Variants in ALK observed in about 807,000 individuals in gnomAD.
ALK encodes ALK tyrosine kinase receptor.
Under a neutral mutation model 163.1 loss-of-function variants are expected in ALK, and 74 were observed. That is an observed-to-expected ratio of 0.45 (90% confidence interval 0.38 to 0.55). The LOEUF is 0.55. ALK is among the 20% of genes least tolerant of loss of function. The pLI is 0.00. For missense variants in ALK, 2,063 were observed against 2,105.3 expected, an observed-to-expected ratio of 0.98 and a Z score of 0.39; for synonymous variants, 960 against 843.2, an observed-to-expected ratio of 1.14 and a Z score of -2.40.
chr2:29,205,652 T>C (rs1669291698), intron 26 of ALK, among the ~76,000 whole-genome samples: 1 of 152,140 alleles, frequency 6.6e-6, no homozygotes, highest in African/African-American at 2.4e-5. Flanking sequence ...AGTCTCAGCC[T>C]CTGTGCTCAC....
intron 1 of ALK, among the ~76,000 whole-genome samples, chr2:29,754,140 G>A (rs1680449979): frequency 6.6e-6 from 1 of 152,174 alleles, no homozygotes; most frequent in African/African-American, 2.4e-5. Flanking sequence ...TCCTAAGGCA[G>A]TGCTCATTCT....
chr2:29,442,468 C>T (rs1272626903), intron 4 of ALK, among the ~76,000 whole-genome samples: 2 of 152,134 alleles, frequency 1.3e-5, no homozygotes, highest in African/African-American at 4.8e-5. Context: ...AGTGCACTGT[C>T]TGAGAGTATT....
chr2:29,364,355 G>A (rs185605574), intron 5 of ALK, among the ~76,000 whole-genome samples: 18 of 152,226 alleles, frequency 1.2e-4, no homozygotes, highest in Admixed American at 1.0e-3. Context: ...CTGCATCATG[G>A]GTCGGAGGTG....
chr2:29,209,181 T>TC lies in ALK; in HGVS notation c.3836+604dup, dbSNP rs560142092. On this transcript the variant is annotated intron_variant, in intron 25 of 28. Transcript: ENST00000389048. ...TTTGAAGGTCTTTCCACATCAAGTA[T>TC]CCAAGTTATCCCATGTCTCAGAGCA... is the stretch of plus-strand genomic sequence containing the variant. Among the ~76,000 whole-genome samples the TC allele has an allele frequency of 1.2e-4, 18 of 152,216 alleles. No individual in the cohort carries two copies. In the South Asian group the frequency reaches 3.7e-3, roughly 32 times the overall value.
At chr2:29,474,591 CTATT>C (rs1671456845) in intron 4 of ALK, among the ~76,000 whole-genome samples, 1 of 152,162 alleles carries the variant, frequency 6.6e-6, no homozygotes, top group Non-Finnish European at 1.5e-5. Context: ...GTTGTGTGCT[CTATT>C]TAAAATCACA....
chr2:29,295,038 T>C (rs1238558563), intron 9 of ALK, among the ~76,000 whole-genome samples: 2 of 152,212 alleles, frequency 1.3e-5, no homozygotes, highest in African/African-American at 4.8e-5. Context: ...ATGTCAGTGG[T>C]ATGCAGGCTC....
Position 29,227,798 on chromosome 2 carries a change from G to C in ALK, c.2816-126C>G, listed in dbSNP as rs575704514. On this transcript the variant is annotated intron_variant, in intron 16 of 28. Coordinates refer to ENST00000389048, the MANE Select transcript of ALK (RefSeq NM_004304.5). The surrounding 1 kb of genome is among the most constrained non-coding windows in gnomAD (Gnocchi z 4.4). ...GGGTCACTGGGGACCTCAGGGGCAG[G>C]GATGCGGGGAGGGAAGGGAGGCTCA... 5.3e-5 allele frequency: 39 copies of C among 733,766 alleles called. No individual in the cohort carries two copies. Among genetic ancestry groups the C allele is most frequent in the Middle Eastern group, 7.5e-4 (2 of 2,652 alleles). The allele number at this position is 733,766 out of a possible 1,614,324, so 45.5% of individuals were successfully genotyped here.
At chr2:29,399,806 A>G (rs368856820) in intron 4 of ALK, among the ~76,000 whole-genome samples, 417 of 152,260 alleles carry the variant, frequency 2.7e-3, no homozygotes, top group Non-Finnish European at 4.7e-3. Flanking sequence ...TCTTCCTTGC[A>G]TTTTCACATG....
intron 9 of ALK, among the ~76,000 whole-genome samples, chr2:29,287,731 G>C (rs1302247951): frequency 6.6e-6 from 1 of 151,654 alleles, no homozygotes; most frequent in Non-Finnish European, 1.5e-5. Context: ...CCCACCGACT[G>C]GCTGAATGGA....
intron 1 of ALK, among the ~76,000 whole-genome samples, chr2:29,900,594 C>T (rs1227931568): frequency 6.6e-6 from 1 of 152,228 alleles, no homozygotes; most frequent in Admixed American, 6.5e-5. Context: ...AGAGTGGGTA[C>T]TTCACTCAAT....
At chr2:29,199,543 C>T (rs377614391) in intron 26 of ALK, among the ~76,000 whole-genome samples, 4 of 152,160 alleles carry the variant, frequency 2.6e-5, no homozygotes, top group African/African-American at 4.8e-5. Flanking sequence ...TAATTTCCTC[C>T]TTACCCATTG....
intron 1 of ALK, among the ~76,000 whole-genome samples, chr2:29,842,897 G>A (rs970400522): frequency 5.9e-5 from 9 of 152,140 alleles, no homozygotes; most frequent in African/African-American, 9.7e-5. Context: ...CATCTTCCTC[G>A]GATGTTTCTG....
intron 3 of ALK, among the ~76,000 whole-genome samples, chr2:29,600,786 A>G (rs4666255): frequency 0.76 from 115,714 of 152,088 alleles, 44,120 homozygotes; most frequent in Middle Eastern, 0.79. Flanking sequence ...CATAAACAGT[A>G]GAAGAGGTAT....
At chr2:29,332,538 A>C (rs955833722) in intron 5 of ALK, among the ~76,000 whole-genome samples, 7 of 152,186 alleles carry the variant, frequency 4.6e-5, no homozygotes, top group African/African-American at 1.7e-4. Context: ...GAAAATGCCC[A>C]GAATCCCACC....
chr2:29,758,544 C>G (rs991745445), intron 1 of ALK, among the ~76,000 whole-genome samples: 12 of 152,230 alleles, frequency 7.9e-5, no homozygotes, highest in African/African-American at 2.9e-4. Flanking sequence ...ACCTTGTAGA[C>G]CAAGTTCCCT....
At chr2:29,685,850 C>A (rs1334994857) in intron 3 of ALK, among the ~76,000 whole-genome samples, 2 of 152,194 alleles carry the variant, frequency 1.3e-5, no homozygotes, top group Non-Finnish European at 2.9e-5. Context: ...GAATCCTTGT[C>A]CTCTTCTTTC....
intron 5 of ALK, among the ~76,000 whole-genome samples, chr2:29,354,089 G>A (rs1368565608): frequency 1.3e-5 from 2 of 152,198 alleles, no homozygotes; most frequent in Admixed American, 6.5e-5. Context: ...GACCTTCAGT[G>A]TAGTCTCATG....
intron 5 of ALK, among the ~76,000 whole-genome samples, chr2:29,353,035 G>T (rs1668158142): frequency 1.3e-5 from 2 of 152,218 alleles, no homozygotes; most frequent in Non-Finnish European, 1.5e-5. Flanking sequence ...TGCCTTTGTA[G>T]GACTAACAGA....
intron 7 of ALK, among the ~76,000 whole-genome samples, chr2:29,319,799 C>G (rs115404465): frequency 3.1e-4 from 47 of 152,376 alleles, no homozygotes; most frequent in African/African-American, 9.1e-4. Context: ...CTCTCCTCTG[C>G]GTCTTTTACA....
Sources: gnomAD v4.1 joint callset for allele counts (sites outside exome capture counted in the v4.1 genomes callset) on GRCh38, gnomAD v4.1.1 for gene constraint, Gnocchi (gnomAD v3.1) non-coding constraint, MANE v1.5 for transcripts, NCBI Gene and HGNC (gene_info 2026-07-23, HGNC 2026-07-21) for gene names.